Variants in TTC39B observed in about 807,000 individuals in gnomAD.
TTC39B encodes tetratricopeptide repeat domain 39B.
TTC39B carries 92 observed loss-of-function variants against 96.6 expected under a neutral mutation model. The observed-to-expected ratio is 0.95, with a 90% CI of 0.80 to 1.13. The LOEUF (loss-of-function observed/expected upper bound fraction) is 1.13, where lower values mean the gene tolerates loss of function less well. TTC39B is among the 50% of genes most tolerant of loss of function. TTC39B has a pLI of 0.00. For missense variants in TTC39B, 955 were observed against 809.3 expected, an observed-to-expected ratio of 1.18 and a Z score of -2.18; for synonymous variants, 367 against 299.4, an observed-to-expected ratio of 1.23 and a Z score of -2.33.
At chr9:15,166,975 C>CTTTTTTT (rs1157315778) in exon 20 of TTC39B, 1 of 58,702 alleles carries the variant, frequency 1.7e-5, no homozygotes, top group African/African-American at 5.8e-5. Context: ...GTCCACAAAC[C>CTTTTTTT]TTTATTTTAT....
intron 17 of TTC39B, among the ~76,000 whole-genome samples, chr9:15,178,359 G>A (rs1818070922): frequency 6.6e-6 from 1 of 152,104 alleles, no homozygotes; most frequent in African/African-American, 2.4e-5. Flanking sequence ...GCTCACTTGA[G>A]CCCAGGAGTT....
chr9:15,192,025 A>G (rs1007286044), intron 9 of TTC39B, among the ~76,000 whole-genome samples: 11 of 152,366 alleles, frequency 7.2e-5, no homozygotes, highest in African/African-American at 2.4e-4. Flanking sequence ...GGTACCAGTC[A>G]GCCTCTTTCC....
rs571450136 is a variant in TTC39B at position 15,183,487 on chromosome 9, G to A, written c.1615-1072C>T. ...TACAAAAAAAAAAAAAAAAATCCCAGTACTAACATTTCAAGCCAATTTCCT... is the reference window on the plus strand; with the variant it reads ...TACAAAAAAAAAAAAAAAAATCCCAATACTAACATTTCAAGCCAATTTCCT... On this transcript the variant is annotated intron_variant, in intron 16 of 19. Transcript: ENST00000512701. The A allele has an allele frequency of 2.1e-4, 74 of 346,250 alleles. 2 individuals are homozygous for A. Among genetic ancestry groups the A allele is most frequent in the South Asian group, 1.6e-3 (74 of 45,154 alleles). The allele number at this position is 346,250 out of a possible 1,614,324, so 21.4% of individuals were successfully genotyped here. A position where few individuals can be genotyped will look rare whatever the true frequency, so the allele number is the denominator to read the frequency against.
chr9:15,271,384 AC>A (rs575477039), intron 1 of TTC39B, among the ~76,000 whole-genome samples: 82 of 152,144 alleles, frequency 5.4e-4, no homozygotes, highest in African/African-American at 1.9e-3. Flanking sequence ...GCAGTTCCCA[AC>A]CTTTTTGGCA....
chr9:15,278,707 A>T (rs1319871845), intron 1 of TTC39B, among the ~76,000 whole-genome samples: 1 of 152,246 alleles, frequency 6.6e-6, no homozygotes, highest in African/African-American at 2.4e-5. Context: ...AACTTTACAC[A>T]GTTTCTTCCT....
chr9:15,240,038 C>T (rs1423193779), intron 2 of TTC39B, among the ~76,000 whole-genome samples: 3 of 152,160 alleles, frequency 2.0e-5, no homozygotes, highest in Non-Finnish European at 1.5e-5. Context: ...AAAACTGCTT[C>T]CCAGACCAAA....
intron 2 of TTC39B, among the ~76,000 whole-genome samples, chr9:15,261,403 A>G (rs1373257421): frequency 1.3e-5 from 2 of 152,086 alleles, no homozygotes; most frequent in East Asian, 3.9e-4. Flanking sequence ...TGAACCCAGG[A>G]GTTTGGGGCT....
chr9:15,288,635 T>C (rs1209290143), intron 1 of TTC39B, among the ~76,000 whole-genome samples: 1 of 152,176 alleles, frequency 6.6e-6, no homozygotes, highest in African/African-American at 2.4e-5. Flanking sequence ...ACCTGATTCT[T>C]CCTGGACACT....
At chr9:15,217,035 C>T (rs1047693362) in intron 3 of TTC39B, among the ~76,000 whole-genome samples, 48 of 151,898 alleles carry the variant, frequency 3.2e-4, no homozygotes, top group African/African-American at 1.0e-3. Flanking sequence ...ATGGAGCCAG[C>T]GATGGGAATA....
intron 8 of TTC39B, among the ~76,000 whole-genome samples, chr9:15,196,075 T>C (rs1405141497): frequency 6.6e-6 from 1 of 152,240 alleles, no homozygotes; most frequent in Non-Finnish European, 1.5e-5. Context: ...CATGGTTTAC[T>C]AAATATTTTC....
At chr9:15,209,525 T>C (rs948368876) in intron 6 of TTC39B, among the ~76,000 whole-genome samples, 4 of 152,164 alleles carry the variant, frequency 2.6e-5, no homozygotes, top group African/African-American at 9.6e-5. Flanking sequence ...AACTGACCTA[T>C]ATGTAGAAAA....
At chr9:15,278,764 A>G (rs1191126452) in intron 1 of TTC39B, among the ~76,000 whole-genome samples, 1 of 152,258 alleles carries the variant, frequency 6.6e-6, no homozygotes, top group East Asian at 1.9e-4. Context: ...CACTATGTTG[A>G]ATACTCACGT....
At chr9:15,300,044 T>A (rs1824529416) in intron 1 of TTC39B, among the ~76,000 whole-genome samples, 1 of 152,014 alleles carries the variant, frequency 6.6e-6, no homozygotes, top group South Asian at 2.1e-4. Flanking sequence ...TGAGCTGGAG[T>A]TGGGACTGAC....
intron 6 of TTC39B, among the ~76,000 whole-genome samples, chr9:15,207,761 G>T (rs984236709): frequency 6.6e-6 from 1 of 151,636 alleles, no homozygotes; most frequent in Non-Finnish European, 1.5e-5. Flanking sequence ...TGAGGCGGGC[G>T]GATCACAAGG....
chr9:15,239,475 T>TCACA (rs1473411320), intron 2 of TTC39B, among the ~76,000 whole-genome samples: 1 of 152,228 alleles, frequency 6.6e-6, no homozygotes, highest in Non-Finnish European at 1.5e-5. Flanking sequence ...CATATGTTTA[T>TCACA]CACAGTACTA....
chr9:15,250,022 G>C, intron 2 of TTC39B: 2 of 1,287,472 alleles, frequency 1.6e-6, no homozygotes, highest in South Asian at 1.2e-5. Flanking sequence ...TAAAAGAAGA[G>C]ACAAACCTCA....
exon 20 of TTC39B, chr9:15,167,015 TATATA>T (rs1564299883): frequency 5.9e-4 from 5 of 8,414 alleles, no homozygotes; most frequent in South Asian, 4.2e-3. Flanking sequence ...TATATATATA[TATATA>T]TATATATATT....
intron 3 of TTC39B, among the ~76,000 whole-genome samples, chr9:15,217,797 T>C (rs1213384831): frequency 6.6e-6 from 1 of 152,136 alleles, no homozygotes; most frequent in Non-Finnish European, 1.5e-5. Context: ...CAGATGCTCA[T>C]CATTCTGCCT....
intron 2 of TTC39B, among the ~76,000 whole-genome samples, chr9:15,227,405 T>G (rs967657880): frequency 6.6e-6 from 1 of 152,162 alleles, no homozygotes; most frequent in Non-Finnish European, 1.5e-5. Flanking sequence ...TGCACTCTAA[T>G]ATTTTACACT....
Sources: allele counts gnomAD v4.1 joint callset (sites outside exome capture counted in the v4.1 genomes callset), GRCh38; gene constraint gnomAD v4.1.1; transcripts MANE v1.5; gene names NCBI Gene and HGNC (gene_info 2026-07-23, HGNC 2026-07-21).